Variants in DENND5B observed in about 807,000 individuals in gnomAD.
DENND5B encodes the protein DENN domain containing 5B, also known as DENN domain-containing protein 5B.
DENND5B carries 34 observed loss-of-function variants against 140.6 expected under a neutral mutation model. That is an observed-to-expected ratio of 0.24 (90% confidence interval 0.18 to 0.32). DENND5B has a LOEUF of 0.32. Among genes scored for constraint, DENND5B ranks in the 10% least tolerant of loss-of-function variants. DENND5B has a pLI of 1.00. For synonymous variants in DENND5B, 551 were observed against 562.1 expected, an observed-to-expected ratio of 0.98 and a Z score of 0.28; for missense variants, 1,142 against 1,560.2, an observed-to-expected ratio of 0.73 and a Z score of 4.52.
chr12:31,442,607 G>A (rs1199740454), intron 7 of DENND5B, among the ~76,000 whole-genome samples, 168 bp downstream of exon 7: 1 of 151,202 alleles, frequency 6.6e-6, no homozygotes, highest in Non-Finnish European at 1.5e-5. Context: ...GGATTTAAAG[G>A]TCAAGCACTG....
intron 1 of DENND5B, among the ~76,000 whole-genome samples, chr12:31,506,856 C>T (rs954455554): frequency 6.6e-5 from 10 of 152,178 alleles, no homozygotes; most frequent in African/African-American, 2.2e-4. Context: ...CTACTTTCCC[C>T]TGCGCATACA....
At chr12:31,448,338 T>C (rs1229555881) in intron 5 of DENND5B, among the ~76,000 whole-genome samples, 4 of 152,098 alleles carry the variant, frequency 2.6e-5, no homozygotes, top group Admixed American at 1.3e-4. Flanking sequence ...GGTTTCACCA[T>C]GTTAGCCAAG....
At chr12:31,448,996 TA>T (rs1226881011) in intron 5 of DENND5B, among the ~76,000 whole-genome samples, 3 of 152,238 alleles carry the variant, frequency 2.0e-5, no homozygotes, top group Non-Finnish European at 4.4e-5. Context: ...AGTTCCTAAT[TA>T]AAAGTGTCAT....
intron 9 of DENND5B, among the ~76,000 whole-genome samples, chr12:31,425,795 G>C (rs1943203471): frequency 6.6e-6 from 1 of 152,192 alleles, no homozygotes. Context: ...CTAAAATGAT[G>C]TTTTAAGTTT....
chr12:31,585,034 A>G (rs1189500246), intron 1 of DENND5B, among the ~76,000 whole-genome samples: 1 of 151,972 alleles, frequency 6.6e-6, no homozygotes, highest in Non-Finnish European at 1.5e-5. Flanking sequence ...TCTTTTTAAC[A>G]ACTAGCTCTT....
chr12:31,434,577 T>C (rs1443562209), intron 7 of DENND5B, among the ~76,000 whole-genome samples: 5 of 152,166 alleles, frequency 3.3e-5, no homozygotes, highest in Non-Finnish European at 7.3e-5. Context: ...CAAAGGTCCT[T>C]TTGTCGCCAG....
At chr12:31,448,070 T>C (rs1030209325) in intron 5 of DENND5B, among the ~76,000 whole-genome samples, 1 of 152,046 alleles carries the variant, frequency 6.6e-6, no homozygotes, top group African/African-American at 2.4e-5. Flanking sequence ...GCTATACAAT[T>C]GTCAATCATC....
At chr12:31,473,624 G>C (rs1468851088) in intron 3 of DENND5B, among the ~76,000 whole-genome samples, 1 of 152,200 alleles carries the variant, frequency 6.6e-6, no homozygotes, top group Admixed American at 6.5e-5. Context: ...CTATCAGGGT[G>C]CTGGACTACA....
chr12:31,408,149 A>C (rs1461733947), intron 14 of DENND5B, among the ~76,000 whole-genome samples: 2 of 151,310 alleles, frequency 1.3e-5, no homozygotes, highest in African/African-American at 2.4e-5. Flanking sequence ...CACAAAAATT[A>C]GCCGGGCATG....
intron 17 of DENND5B, among the ~76,000 whole-genome samples, chr12:31,393,970 G>A (rs708214): frequency 0.34 from 51,551 of 152,010 alleles, 9,970 homozygotes; most frequent in Non-Finnish European, 0.46. Flanking sequence ...GATTACAGGC[G>A]TAAGCCACCA....
intron 1 of DENND5B, among the ~76,000 whole-genome samples, chr12:31,520,473 T>TTAAC (rs1329164757): frequency 1.6e-4 from 25 of 152,202 alleles, no homozygotes; most frequent in African/African-American, 5.8e-4. Flanking sequence ...TGAAATAAAC[T>TTAAC]TAGTAAGCAA....
At chr12:31,590,504 G>T in intron 1 of DENND5B, 1 of 611,014 alleles carries the variant, frequency 1.6e-6, no homozygotes, top group Non-Finnish European at 2.5e-6. Context: ...GAAAGCCCCG[G>T]TGGGCGCAGC....
rs549691862 is a variant in DENND5B at position 31,496,183 on chromosome 12, C to T, written c.128-264G>A. Among the ~76,000 whole-genome samples the T allele has an allele frequency of 2.1e-3, 313 of 152,288 alleles. 1 individual carries two copies. Among genetic ancestry groups the T allele is most frequent in the Middle Eastern group, 0.014 (4 of 294 alleles). ...TCAAAATATGGTAATATAATCATTG[C>T]TGTAACCTAATTATGGTCCACATTT... is the stretch of plus-strand genomic sequence containing the variant. On this transcript the variant is annotated intron_variant, in intron 1 of 20. Coordinates refer to ENST00000389082, the MANE Select transcript of DENND5B (RefSeq NM_144973.4).
intron 3 of DENND5B, among the ~76,000 whole-genome samples, chr12:31,463,764 C>A (rs1001611409): frequency 6.6e-6 from 1 of 152,134 alleles, no homozygotes; most frequent in African/African-American, 2.4e-5. Flanking sequence ...TGGGTTCAAG[C>A]GATTCTCCTG....
chr12:31,424,389 T>C, intron 10 of DENND5B, 146 bp downstream of exon 10: 1 of 1,107,176 alleles, frequency 9.0e-7, no homozygotes, highest in Non-Finnish European at 1.2e-6. Flanking sequence ...ATTTTCTTTT[T>C]CTGAAATTAA....
intron 15 of DENND5B, 62 bp downstream of exon 15, chr12:31,402,436 C>A: frequency 1.3e-6 from 2 of 1,527,546 alleles, no homozygotes; most frequent in African/African-American, 1.4e-5. Context: ...AAAAGCCAGA[C>A]AGAATCATCT....
intron 13 of DENND5B, among the ~76,000 whole-genome samples, chr12:31,411,973 TTTTTTG>T (rs1363440866): frequency 6.6e-6 from 1 of 152,176 alleles, no homozygotes; most frequent in Non-Finnish European, 1.5e-5. Context: ...ACAGCTTCTT[TTTTTTG>T]TTTTTGTTTT....
Position 31,387,611 on chromosome 12 carries a change from C to T in DENND5B, c.3817G>A (p.Asp1273Asn). 3.7e-6 allele frequency: 6 copies of T among 1,613,246 alleles called. No homozygotes were observed. The highest frequency in any genetic ancestry group is 5.1e-6 in the Non-Finnish European group (6 of 1,179,404). The change falls in exon 21 of 21, where the codon GAT becomes AAT. Residue 1273 changes from aspartate to asparagine, a missense_variant. Coordinates refer to ENST00000389082, the MANE Select transcript of DENND5B (RefSeq NM_144973.4). ...VLEGSLIKGV[D>N]V Reference sequence around the variant, plus strand: ...GTTTCTAGCCAGTTGGGTTACACATCCACTCCTTTGATGAGTGATCCTTCT... The same window carrying T: ...GTTTCTAGCCAGTTGGGTTACACATTCACTCCTTTGATGAGTGATCCTTCT...
At chr12:31,466,129 C>T (rs753361382) in intron 3 of DENND5B, among the ~76,000 whole-genome samples, 77 of 151,494 alleles carry the variant, frequency 5.1e-4, no homozygotes, top group Admixed American at 1.3e-3. Context: ...CCAAGGCGGG[C>T]GGATCACAAG....
Sources: allele counts gnomAD v4.1 joint callset (sites outside exome capture counted in the v4.1 genomes callset), GRCh38; gene constraint gnomAD v4.1.1; transcripts MANE v1.5; gene names NCBI Gene and HGNC (gene_info 2026-07-23, HGNC 2026-07-21).